STRN3: variants seen among roughly 807,000 people sequenced by gnomAD.
The protein encoded by STRN3 is striatin-3.
In STRN3, 29 loss-of-function variants were observed where a neutral mutation model predicts 95.6. The ratio of observed to expected loss-of-function variants is 0.30; its 90% CI spans 0.23 to 0.41. The LOEUF (loss-of-function observed/expected upper bound fraction) is 0.41. Among genes scored for constraint, STRN3 ranks in the 10% least tolerant of loss-of-function variants. STRN3 has a pLI of 1.00. For missense variants in STRN3, 890 were observed against 972.1 expected (o/e 0.92, Z 1.12); for synonymous variants, 331 against 357.6 (o/e 0.93, Z 0.84).
chr14:30,980,260 A>C (rs975211136), intron 1 of STRN3, among the ~76,000 whole-genome samples: 8 of 152,000 alleles, frequency 5.3e-5, no homozygotes, highest in Non-Finnish European at 4.4e-5. Context: ...GGGGAGAATT[A>C]TTTGATATTT....
At position 30,924,287 on chromosome 14, in the gene STRN3, C is replaced by T. The variant is rs374051467; in HGVS notation, c.1099+4914G>A. 2.6e-3 allele frequency among the ~76,000 whole-genome samples: 202 copies of T among 77,214 alleles called. 1 individual carries two copies. In the Middle Eastern group the frequency reaches 0.054, roughly 21 times the overall value. The allele number at this position is 77,214 out of a possible 152,430, so 50.7% of individuals were successfully genotyped here. ...AGGTACAATGGCTCATGCCTTAAAT[C>T]TTTTTTTTTTTTTTTTTTTTGAGAT... On this transcript the variant is annotated intron_variant, in intron 8 of 17. Coordinates refer to ENST00000357479, the MANE Select transcript of STRN3 (RefSeq NM_001083893.2).
intron 8 of STRN3, among the ~76,000 whole-genome samples, chr14:30,921,069 TATACACAC>T (rs1410107194): frequency 0.039 from 4,671 of 119,944 alleles, 109 homozygotes; most frequent in East Asian, 0.095. Context: ...TACACATACA[TATACACAC>T]ACACACACAC....
At chr14:30,981,065 T>TA (rs1881371179) in intron 1 of STRN3, among the ~76,000 whole-genome samples, 1 of 152,108 alleles carries the variant, frequency 6.6e-6, no homozygotes. Flanking sequence ...CCCAACACTC[T>TA]GAGAGGCCCA....
intron 1 of STRN3, among the ~76,000 whole-genome samples, chr14:31,015,794 A>G (rs1883210649): frequency 6.6e-6 from 1 of 152,188 alleles, no homozygotes; most frequent in Non-Finnish European, 1.5e-5. Context: ...TTCTGTTCCC[A>G]GCAGGCCTCT....
intron 1 of STRN3, among the ~76,000 whole-genome samples, chr14:30,993,954 G>A (rs1882085426): frequency 6.6e-6 from 1 of 151,034 alleles, no homozygotes; most frequent in Admixed American, 6.6e-5. Context: ...CTCGGCTCAC[G>A]GCAAGCTCCA....
chr14:30,998,441 T>G (rs1882302572), intron 1 of STRN3, among the ~76,000 whole-genome samples: 1 of 152,188 alleles, frequency 6.6e-6, no homozygotes, highest in Admixed American at 6.5e-5. Flanking sequence ...GCCATACTCA[T>G]GTAGCACTGT....
At chr14:30,911,885 G>T in intron 11 of STRN3, 61 bp from the exon 12 acceptor site, 5 of 1,566,120 alleles carry the variant, frequency 3.2e-6, no homozygotes, top group Non-Finnish European at 4.3e-6. Context: ...TGAATCACTG[G>T]TTGATATTAA....
At chr14:30,918,525 A>AGG (rs1896798887) in intron 9 of STRN3, among the ~76,000 whole-genome samples, 7 of 151,378 alleles carry the variant, frequency 4.6e-5, no homozygotes, top group Admixed American at 2.0e-4. Flanking sequence ...AAAAAAAGAA[A>AGG]AAAAAAAAGG....
intron 1 of STRN3, chr14:31,025,668 GC>G: frequency 1.6e-6 from 1 of 632,510 alleles, no homozygotes; most frequent in Non-Finnish European, 2.6e-6. Flanking sequence ...CAAAATGGCT[GC>G]CCCGAGGAGG....
chr14:30,911,040 CCATATGTAT>C lies in STRN3; in HGVS notation c.1712_1720del (p.Asp571_Tyr573del). On this transcript the variant is annotated inframe_deletion and splice_region_variant, in exon 13 of 18. Coordinates refer to ENST00000357479, the MANE Select transcript of STRN3 (RefSeq NM_001083893.2). ...AAATACATTTTGATCATTTTACTTA[CCATATGTAT>C]CATATGGATCTACACTGGGACTCGG... 6.3e-7 allele frequency: 1 copy of C among 1,598,438 alleles called. No homozygotes were observed. The highest frequency in any genetic ancestry group is 1.1e-5 in the South Asian group (1 of 89,524).
chr14:30,936,763 A>G, intron 5 of STRN3, 139 bp from the exon 6 acceptor site: 1 of 1,063,490 alleles, frequency 9.4e-7, no homozygotes, highest in Non-Finnish European at 1.3e-6. Flanking sequence ...TTATTCAAGA[A>G]AAGAAGTTTG....
chr14:30,946,139 T>C (rs996679619), intron 5 of STRN3, among the ~76,000 whole-genome samples: 2 of 152,164 alleles, frequency 1.3e-5, no homozygotes, highest in Non-Finnish European at 2.9e-5. Context: ...TTGTTGAAAA[T>C]ACTCTAGCAA....
chr14:30,973,922 T>G (rs1395320063), intron 1 of STRN3, among the ~76,000 whole-genome samples: 1 of 152,202 alleles, frequency 6.6e-6, no homozygotes, highest in Non-Finnish European at 1.5e-5. Flanking sequence ...CACCCTTTCA[T>G]GATAACACTC....
At chr14:30,935,424 G>C in intron 6 of STRN3, 120 bp from the exon 7 acceptor site, 1 of 1,083,466 alleles carries the variant, frequency 9.2e-7, no homozygotes, top group Non-Finnish European at 1.3e-6. Context: ...AAAAATTTTA[G>C]ATCTCCTATG....
In STRN3 at chr14:31,026,225, G is replaced by A; in HGVS notation, c.-40C>T. 7.2e-7 allele frequency: 1 copy of A among 1,379,512 alleles called. No homozygotes were observed. Among genetic ancestry groups the A allele is most frequent in the East Asian group, 3.1e-5 (1 of 32,588 alleles). 85.5% of individuals were successfully genotyped at this position (1,379,512 alleles called of 1,614,324 possible). A position where few individuals can be genotyped will look rare whatever the true frequency, so the allele number is the denominator to read the frequency against. On this transcript the variant is annotated 5_prime_UTR_variant, in exon 1 of 18. Coordinates refer to ENST00000357479, the MANE Select transcript of STRN3 (RefSeq NM_001083893.2). ...CGGCCGGGGCGCAGGGCGAGACGCC[G>A]ACAGCTGGGGGAAGGGCCGGAGAGG...
rs1483482781 is a variant in STRN3 at position 30,913,882 on chromosome 14, T to C, written c.1241-225A>G. 2.0e-5 allele frequency among the ~76,000 whole-genome samples: 3 copies of C among 152,202 alleles called. No homozygotes were observed. The East Asian group carries it at 5.8e-4, about 29-fold the overall frequency. On this transcript the variant is annotated intron_variant, in intron 9 of 17. Transcript: ENST00000357479. ...AATAAAATGTGCACTAGATATATTA[T>C]TCTGGGGTGGAAGCTAGGGCACAAA...
At chr14:30,950,498 A>C (rs1390025941) in intron 4 of STRN3, among the ~76,000 whole-genome samples, 1 of 152,232 alleles carries the variant, frequency 6.6e-6, no homozygotes. Flanking sequence ...ACTTCTGAAA[A>C]GTTTCAGATG....
At chr14:31,013,991 C>A (rs1053183700) in intron 1 of STRN3, among the ~76,000 whole-genome samples, 2 of 150,708 alleles carry the variant, frequency 1.3e-5, no homozygotes, top group Non-Finnish European at 2.9e-5. Context: ...CAGCCTTGAC[C>A]CCTTGGGCTC....
intron 1 of STRN3, among the ~76,000 whole-genome samples, chr14:31,012,015 G>A (rs1460554659): frequency 6.6e-6 from 1 of 151,874 alleles, no homozygotes; most frequent in Non-Finnish European, 1.5e-5. Flanking sequence ...CCAGGAGCCG[G>A]AGGTTGCAGT....
Sources: gnomAD v4.1 joint callset for allele counts (sites outside exome capture counted in the v4.1 genomes callset) on GRCh38, gnomAD v4.1.1 for gene constraint, MANE v1.5 for transcripts, NCBI Gene and HGNC (gene_info 2026-07-23, HGNC 2026-07-21) for gene names.